Variants in PPARGC1A observed in about 807,000 individuals in gnomAD.
The protein encoded by PPARGC1A is PPARG coactivator 1 alpha.
In PPARGC1A, 25 loss-of-function variants were observed where a neutral mutation model predicts 88.7. The observed-to-expected ratio is 0.28, with a 90% CI of 0.21 to 0.39. PPARGC1A has a LOEUF of 0.39. Ranked by LOEUF, PPARGC1A falls within the 10% of genes least tolerant of loss-of-function variation. PPARGC1A has a pLI of 1.00. For synonymous variants in PPARGC1A, 363 were observed against 355.6 expected, an observed-to-expected ratio of 1.02 and a Z score of -0.24; for missense variants, 880 against 968.7, an observed-to-expected ratio of 0.91 and a Z score of 1.22.
the PPARGC1A span, among the ~76,000 whole-genome samples, chr4:24,089,514 C>CTT: frequency 2.8e-4 from 11 of 38,688 alleles, no homozygotes; most frequent in Admixed American, 1.6e-3. Context: ...TCTTTTCTTT[C>CTT]TTTTTTTTTT....
At chr4:24,143,984 A>G in the PPARGC1A span, among the ~76,000 whole-genome samples, 4 of 152,232 alleles carry the variant, frequency 2.6e-5, no homozygotes, top group Admixed American at 6.5e-5. Flanking sequence ...CAACAAGTAC[A>G]TGTGCTTTTC....
intron 1 of PPARGC1A, among the ~76,000 whole-genome samples, chr4:23,886,043 C>T (rs192256256): frequency 6.6e-6 from 1 of 152,232 alleles, no homozygotes; most frequent in East Asian, 1.9e-4. Flanking sequence ...TAATGTCAGT[C>T]CGCAGACAGT....
intron 12 of PPARGC1A, among the ~76,000 whole-genome samples, chr4:23,797,426 C>T (rs1717808964): frequency 6.6e-6 from 1 of 152,010 alleles, no homozygotes; most frequent in Non-Finnish European, 1.5e-5. Flanking sequence ...CATTGTAGAT[C>T]AAGAGGGAAG....
At chr4:23,796,516 C>T (rs927675879) in intron 12 of PPARGC1A, among the ~76,000 whole-genome samples, 2 of 152,032 alleles carry the variant, frequency 1.3e-5, no homozygotes, top group African/African-American at 2.4e-5. Context: ...AGAGTAAATT[C>T]GGAAAGAAGA....
intron 2 of PPARGC1A, among the ~76,000 whole-genome samples, chr4:23,859,563 C>T (rs1166907083): frequency 2.0e-5 from 3 of 152,076 alleles, no homozygotes; most frequent in Non-Finnish European, 2.9e-5. Flanking sequence ...GGGTGGATCA[C>T]AAGGTCAGGA....
chr4:24,437,365 T>C, the PPARGC1A span, among the ~76,000 whole-genome samples: 1 of 152,046 alleles, frequency 6.6e-6, no homozygotes, highest in African/African-American at 2.4e-5. Flanking sequence ...AAAAGACAGA[T>C]AGCTGAACAC....
At chr4:23,977,628 C>T in the PPARGC1A span, among the ~76,000 whole-genome samples, 1 of 152,130 alleles carries the variant, frequency 6.6e-6, no homozygotes, top group South Asian at 2.1e-4. Flanking sequence ...CACCACGGCA[C>T]ACGTTTACCT....
chr4:24,122,432 TATATAGAGAGAGAG>T, the PPARGC1A span, among the ~76,000 whole-genome samples: 25 of 135,928 alleles, frequency 1.8e-4, no homozygotes, highest in African/African-American at 5.8e-4. Context: ...TATATATATA[TATATAGAGAGAGAG>T]AGAGAGAGAG....
At chr4:23,891,659 T>C (rs1314940439), upstream of PPARGC1A, among the ~76,000 whole-genome samples, 1 of 152,180 alleles carries the variant, frequency 6.6e-6, no homozygotes, top group Non-Finnish European at 1.5e-5. Context: ...AGTTGACAGT[T>C]TATCATTACT....
the PPARGC1A span, among the ~76,000 whole-genome samples, chr4:24,282,891 G>A: frequency 7.2e-5 from 11 of 152,116 alleles, no homozygotes; most frequent in Admixed American, 3.3e-4. Context: ...TTCCTGAAGC[G>A]AGAACCTGAG....
the PPARGC1A span, among the ~76,000 whole-genome samples, chr4:24,472,433 G>C: frequency 6.6e-6 from 1 of 152,068 alleles, no homozygotes; most frequent in South Asian, 2.1e-4. This position sits in a 1 kb window ranked among gnomAD's most constrained non-coding sequence, Gnocchi z 4.5. Flanking sequence ...AGAGAAGAGG[G>C]TGTCTTCCGA....
At chr4:24,192,704 G>T in the PPARGC1A span, among the ~76,000 whole-genome samples, 1 of 152,230 alleles carries the variant, frequency 6.6e-6, no homozygotes, top group Non-Finnish European at 1.5e-5. Flanking sequence ...CATCCTTAGA[G>T]AATATTGTAA....
At chr4:23,974,499 G>T in the PPARGC1A span, among the ~76,000 whole-genome samples, 1 of 152,128 alleles carries the variant, frequency 6.6e-6, no homozygotes, top group East Asian at 1.9e-4. Flanking sequence ...TTGCTTTAAC[G>T]TGGTTGCCAT....
the PPARGC1A span, among the ~76,000 whole-genome samples, chr4:24,228,178 G>A: frequency 4.6e-5 from 7 of 152,102 alleles, no homozygotes; most frequent in African/African-American, 1.7e-4. Flanking sequence ...ACAGTGATGG[G>A]CCATTTGCTT....
At chr4:24,470,322 ACACT>A in the PPARGC1A span, among the ~76,000 whole-genome samples, 3,985 of 116,648 alleles carry the variant, frequency 0.034, 201 homozygotes, top group African/African-American at 0.081. The surrounding 1 kb of genome is among the most constrained non-coding windows in gnomAD (Gnocchi z 5.8). Context: ...ACACACACAC[ACACT>A]CTCTCACACA....
chr4:23,878,608 T>A (rs1261502856), intron 2 of PPARGC1A, among the ~76,000 whole-genome samples: 1 of 152,154 alleles, frequency 6.6e-6, no homozygotes, highest in Non-Finnish European at 1.5e-5. Flanking sequence ...ATAAGCCAGA[T>A]GTTATCAAGC....
At chr4:24,124,861 T>C in the PPARGC1A span, among the ~76,000 whole-genome samples, 1 of 152,144 alleles carries the variant, frequency 6.6e-6, no homozygotes, top group African/African-American at 2.4e-5. Flanking sequence ...TATTCAGACA[T>C]AAATAAGCTT....
chr4:24,194,635 C>T, the PPARGC1A span, among the ~76,000 whole-genome samples: 6 of 18,060 alleles, frequency 3.3e-4, no homozygotes, highest in Non-Finnish European at 4.7e-4. Flanking sequence ...CGCGCGCACA[C>T]ACACACACAC....
chr4:24,424,493 C>T, the PPARGC1A span, among the ~76,000 whole-genome samples: 18 of 151,504 alleles, frequency 1.2e-4, no homozygotes, highest in Non-Finnish European at 2.2e-4. Context: ...GCCAGGATGG[C>T]CTCGATCTCC....
Sources: gnomAD v4.1 joint callset for allele counts (sites outside exome capture counted in the v4.1 genomes callset) on GRCh38, gnomAD v4.1.1 for gene constraint, Gnocchi (gnomAD v3.1) non-coding constraint, MANE v1.5 for transcripts, NCBI Gene and HGNC (gene_info 2026-07-23, HGNC 2026-07-21) for gene names.